FRMD4A: variants seen among roughly 807,000 people sequenced by gnomAD.
FRMD4A encodes the protein FERM domain containing 4A.
FRMD4A carries 29 observed loss-of-function variants against 129.1 expected under a neutral mutation model. That is an observed-to-expected ratio of 0.22 (90% CI 0.17 to 0.31). The LOEUF (loss-of-function observed/expected upper bound fraction) is 0.31. Ranked by LOEUF, FRMD4A falls within the 10% of genes least tolerant of loss-of-function variation. The pLI is 1.00. For missense variants in FRMD4A, 1,272 were observed against 1,375.8 expected (o/e 0.92, Z 1.19); for synonymous variants, 634 against 571.6 (o/e 1.11, Z -1.56).
intron 11 of FRMD4A, 64 bp downstream of exon 11, chr10:13,740,130 C>T (rs990691699): frequency 2.9e-5 from 26 of 896,582 alleles, no homozygotes; most frequent in African/African-American, 1.5e-4. Flanking sequence ...AAACATATAA[C>T]GAGATGTTTT....
chr10:13,754,591 T>TGTGTGTGTGTGTA (rs1554882596), intron 8 of FRMD4A, among the ~76,000 whole-genome samples: 2 of 151,984 alleles, frequency 1.3e-5, no homozygotes, highest in African/African-American at 4.8e-5. Context: ...TGTGTGTGTG[T>TGTGTGTGTGTGTA]GTGTGTGTGT....
In FRMD4A at chr10:13,657,486, G is replaced by T; in HGVS notation, c.2103C>A (p.Leu701=). ...VDISPTRLHS[L]ALHFRHRSSS... is the part of the protein sequence containing the mutation. ...AGCTCCGGTGCCTAAAGTGCAGTGC[G>T]AGGCTGTGCAGTCGGGTGGGGCTGA... Residue 701 remains leucine, a synonymous_variant, in exon 22 of 25, where the codon CTC becomes CTA. Transcript: ENST00000357447. 1.2e-6 allele frequency: 2 copies of T among 1,608,094 alleles called. No homozygotes were observed. Among genetic ancestry groups the T allele is most frequent in the South Asian group, 1.1e-5 (1 of 90,822 alleles).
chr10:14,223,746 GAA>G (rs1160672002), intron 2 of FRMD4A, among the ~76,000 whole-genome samples: 4 of 63,232 alleles, frequency 6.3e-5, no homozygotes, highest in Admixed American at 1.9e-4. Context: ...GTCTCAAAAT[GAA>G]AAAAAAAAAA....
intron 2 of FRMD4A, among the ~76,000 whole-genome samples, chr10:13,961,268 A>G (rs1377869521): frequency 6.6e-6 from 1 of 152,234 alleles, no homozygotes; most frequent in Non-Finnish European, 1.5e-5. Flanking sequence ...CATGAAAATA[A>G]TCAGACTGCA....
intron 2 of FRMD4A, among the ~76,000 whole-genome samples, chr10:14,180,074 C>T (rs1258689420): frequency 6.6e-6 from 1 of 152,018 alleles, no homozygotes; most frequent in Non-Finnish European, 1.5e-5. Flanking sequence ...AAAAAACAAA[C>T]AAACAAAAAA....
intron 2 of FRMD4A, among the ~76,000 whole-genome samples, chr10:14,183,708 G>C (rs979644530): frequency 6.6e-6 from 1 of 151,934 alleles, no homozygotes; most frequent in Non-Finnish European, 1.5e-5. Flanking sequence ...CTTAACCATG[G>C]TATCTAAATA....
intron 23 of FRMD4A, chr10:13,654,022 A>C (rs965235020): frequency 2.3e-5 from 8 of 351,126 alleles, no homozygotes; most frequent in Non-Finnish European, 4.0e-5. Flanking sequence ...CACCTGCCCC[A>C]GTGTATTTGC....
At chr10:14,070,348 C>T (rs967973687) in intron 2 of FRMD4A, among the ~76,000 whole-genome samples, 1 of 152,200 alleles carries the variant, frequency 6.6e-6, no homozygotes, top group Non-Finnish European at 1.5e-5. Context: ...AGATAAGTGA[C>T]ACTCCAAAAT....
At position 14,330,167 on chromosome 10, in the gene FRMD4A, A is replaced by AG; in HGVS notation, c.-66dup. 6.6e-7 allele frequency: 1 copy of AG among 1,512,608 alleles called. No homozygotes were observed. Among genetic ancestry groups the AG allele is most frequent in the Non-Finnish European group, 9.0e-7 (1 of 1,113,950 alleles). The allele number at this position is 1,512,608 out of a possible 1,614,324, so 93.7% of individuals were successfully genotyped here. ...GTCCTCCTGGGCCCCGGGTGGCTAC[A>AG]GAGCATCCAAAAGCACCTGCAGAAA... On this transcript the variant is annotated 5_prime_UTR_variant, in exon 2 of 25. It removes the in-frame stop codon of an upstream open reading frame in the 5' UTR. Coordinates refer to ENST00000357447, the MANE Select transcript of FRMD4A (RefSeq NM_018027.5).
intron 6 of FRMD4A, among the ~76,000 whole-genome samples, chr10:13,765,120 T>G (rs543705068): frequency 4.7e-5 from 7 of 148,342 alleles, no homozygotes; most frequent in East Asian, 3.9e-4. Flanking sequence ...TTTTGTTTTT[T>G]TTTTTTTTTT....
intron 6 of FRMD4A, among the ~76,000 whole-genome samples, chr10:13,772,285 GA>G (rs1490672503): frequency 1.3e-5 from 2 of 149,808 alleles, no homozygotes; most frequent in African/African-American, 2.5e-5. Context: ...TTATACAGGT[GA>G]AATATTAGAT....
chr10:14,278,864 T>C (rs1023149330), intron 2 of FRMD4A, among the ~76,000 whole-genome samples: 4 of 152,236 alleles, frequency 2.6e-5, no homozygotes, highest in African/African-American at 9.6e-5. Flanking sequence ...TTCTGCTTTT[T>C]TGCTTTTAAT....
intron 2 of FRMD4A, among the ~76,000 whole-genome samples, chr10:14,130,012 C>G (rs1687044076): frequency 6.6e-6 from 1 of 152,156 alleles, no homozygotes; most frequent in Admixed American, 6.5e-5. Context: ...CCCTGCCTCC[C>G]AGGCTGTGAT....
At chr10:14,275,706 C>G (rs138261438) in intron 2 of FRMD4A, among the ~76,000 whole-genome samples, 2 of 152,132 alleles carry the variant, frequency 1.3e-5, no homozygotes, top group Non-Finnish European at 2.9e-5. Flanking sequence ...AAGCGTTAAG[C>G]CTTTTTTCTC....
At chr10:13,793,683 G>T (rs1000582580) in intron 5 of FRMD4A, among the ~76,000 whole-genome samples, 4 of 152,044 alleles carry the variant, frequency 2.6e-5, no homozygotes, top group Admixed American at 6.5e-5. Context: ...CACTGGAAAG[G>T]TACCCAGCTG....
intron 19 of FRMD4A, among the ~76,000 whole-genome samples, chr10:13,660,967 G>T (rs79347562): frequency 0.013 from 2,015 of 152,246 alleles, 51 homozygotes; most frequent in African/African-American, 0.046. Flanking sequence ...GGAGAGTTTT[G>T]TCTGTTTCAT....
chr10:14,111,309 G>A (rs79945619), intron 2 of FRMD4A, among the ~76,000 whole-genome samples: 5,309 of 152,000 alleles, frequency 0.035, 140 homozygotes, highest in Non-Finnish European at 0.052. Context: ...TTCTACCCTC[G>A]ATTTATTTAT....
chr10:13,912,200 G>A (rs948389848), intron 2 of FRMD4A, among the ~76,000 whole-genome samples: 1 of 152,162 alleles, frequency 6.6e-6, no homozygotes, highest in African/African-American at 2.4e-5. Context: ...GATAAACAAT[G>A]AGACTAAAAA....
intron 2 of FRMD4A, among the ~76,000 whole-genome samples, chr10:14,193,696 A>AC (rs1186602741): frequency 6.6e-6 from 1 of 151,320 alleles, no homozygotes; most frequent in African/African-American, 2.4e-5. Context: ...TTAAAAAAAA[A>AC]AAAACTACAA....
Sources: allele counts gnomAD v4.1 joint callset (sites outside exome capture counted in the v4.1 genomes callset), GRCh38; gene constraint gnomAD v4.1.1; transcripts MANE v1.5; gene names NCBI Gene and HGNC (gene_info 2026-07-23, HGNC 2026-07-21).